Variants in POLR2B observed in about 807,000 individuals in gnomAD.
POLR2B encodes RNA polymerase II subunit B.
In POLR2B, 57 loss-of-function variants were observed where a neutral mutation model predicts 144.6. That is an observed-to-expected ratio of 0.39 (90% CI 0.32 to 0.49). The LOEUF (loss-of-function observed/expected upper bound fraction) is 0.49, where lower values mean the gene tolerates loss of function less well. Among genes scored for constraint, POLR2B ranks in the 20% least tolerant of loss-of-function variants. POLR2B has a pLI of 0.83. For synonymous variants in POLR2B, 442 were observed against 469.8 expected (o/e 0.94, Z 0.77); for missense variants, 595 against 1,467.4 (o/e 0.41, Z 9.71).
chr4:56,999,642 A>T lies in POLR2B; in HGVS notation c.761A>T (p.Gln254Leu). The change falls in exon 7 of 25, where the codon CAG becomes CTG. Residue 254 changes from glutamine (Q) to leucine (L), a missense_variant. By Grantham distance (113) the Gln-to-Leu change is moderately radical. Around this residue, in one of 9 missense-constraint regions of POLR2B, gnomAD observed 251 missense variants for 567.3 expected, o/e 0.44. Coordinates refer to ENST00000314595, the MANE Select transcript of POLR2B (RefSeq NM_000938.3). ...GQGAKKSAIG[Q>L]RIVATLPYIK... ...GGTGCCAAGAAGAGTGCTATTGGTC[A>T]GCGCATTGTGGCAACTCTACCATAT... 1 of 1,611,144 alleles carries T rather than the reference A, an allele frequency of 6.2e-7. No individual in the cohort carries two copies. Among genetic ancestry groups the T allele is most frequent in the Non-Finnish European group, 8.5e-7 (1 of 1,178,074 alleles).
In POLR2B at chr4:57,030,097, G is replaced by A. The variant is rs1723865455; in HGVS notation, c.3240-107G>A. ...AGAATGCTAGGGTATAAAAATTAGAGCCTAGTTATCCGTCTTTGCAAATAT... is the reference window on the plus strand; with the variant it reads ...AGAATGCTAGGGTATAAAAATTAGAACCTAGTTATCCGTCTTTGCAAATAT... On this transcript the variant is annotated intron_variant, in intron 23 of 24. Transcript: ENST00000314595. The A allele has an allele frequency of 1.2e-5, 10 of 866,322 alleles. No homozygotes were observed. The South Asian group carries it at 1.2e-4, about 11-fold the overall frequency. 53.7% of individuals were successfully genotyped at this position (866,322 alleles called of 1,614,324 possible).
chr4:56,983,296 TTTC>T (rs2109640233), intron 1 of POLR2B, among the ~76,000 whole-genome samples: 1 of 152,114 alleles, frequency 6.6e-6, no homozygotes, highest in African/African-American at 2.4e-5. Context: ...GGTAGGATTC[TTTC>T]TTGACTCCTA....
chr4:57,005,548 T>C, intron 8 of POLR2B, 52 bp from the exon 9 acceptor site: 1 of 1,541,856 alleles, frequency 6.5e-7, no homozygotes, highest in African/African-American at 1.4e-5. Context: ...CAAAAAAAAG[T>C]CCAAAACTAA....
At chr4:57,004,545 T>A (rs923228811) in intron 7 of POLR2B, among the ~76,000 whole-genome samples, 2 of 152,184 alleles carry the variant, frequency 1.3e-5, no homozygotes, top group African/African-American at 4.8e-5. Flanking sequence ...AAACATTTTT[T>A]AATACCAAAA....
intron 1 of POLR2B, among the ~76,000 whole-genome samples, chr4:56,979,783 C>T (rs1415004073): frequency 1.3e-5 from 2 of 151,934 alleles, no homozygotes; most frequent in Non-Finnish European, 2.9e-5. Flanking sequence ...CCTGTAATCC[C>T]AGCTACTCGG....
intron 1 of POLR2B, chr4:56,985,573 G>T (rs1722298105): frequency 3.3e-6 from 2 of 612,804 alleles, no homozygotes; most frequent in Non-Finnish European, 4.1e-6. Flanking sequence ...GCTAATTTTT[G>T]TCTTTTTTAG....
chr4:57,003,313 C>T (rs1722911252), intron 7 of POLR2B, among the ~76,000 whole-genome samples: 1 of 152,092 alleles, frequency 6.6e-6, no homozygotes, highest in Non-Finnish European at 1.5e-5. Flanking sequence ...GCCTGTTGTC[C>T]CAGCTACTCA....
At chr4:56,999,818 A>G in intron 7 of POLR2B, 37 bp downstream of exon 7, 1 of 1,454,866 alleles carries the variant, frequency 6.9e-7, no homozygotes, top group Non-Finnish European at 9.6e-7. Context: ...AGAGCTTTAT[A>G]AGAGATTTAG....
Position 57,025,539 on chromosome 4 carries a change from T to C in POLR2B, c.3239+2T>C. On this transcript the variant is annotated splice_donor_variant, in intron 23 of 24. Coordinates refer to ENST00000314595, the MANE Select transcript of POLR2B (RefSeq NM_000938.3). LOFTEE classifies it high-confidence loss of function. ...ACAGCCCATGGAGGGTAGATCTCGG[T>C]AAGAACTGTATCATCATCATTATTA... 6.4e-7 allele frequency: 1 copy of C among 1,565,858 alleles called. No homozygotes were observed. The highest frequency in any genetic ancestry group is 8.8e-7 in the Non-Finnish European group (1 of 1,139,092).
chr4:57,013,584 C>T (rs1723269639), intron 13 of POLR2B, among the ~76,000 whole-genome samples: 1 of 150,718 alleles, frequency 6.6e-6, no homozygotes. Context: ...GTCACCCAGG[C>T]TGGAATGCAG....
In POLR2B at chr4:57,025,425, A is replaced by G. The variant is rs1723684187; in HGVS notation, c.3127A>G (p.Ile1043Val). The G allele has an allele frequency of 6.2e-7, 1 of 1,612,952 alleles. No homozygotes were observed. The highest frequency in any genetic ancestry group is 1.3e-5 in the African/African-American group (1 of 74,880). The change falls in exon 23 of 25, where the codon ATT becomes GTT. Residue 1043 changes from isoleucine (I) to valine (V), a missense_variant. By Grantham distance (29) the Ile-to-Val change is conservative (BLOSUM62 3). Around this residue, in one of 9 missense-constraint regions of POLR2B, gnomAD observed 65 missense variants for 282.8 expected, o/e 0.23. Coordinates refer to ENST00000314595, the MANE Select transcript of POLR2B (RefSeq NM_000938.3). ...TGRKITSQIF[I>V]GPTYYQRLKH... The stretch of plus-strand genomic sequence containing the variant: ...TCGAAAAATCACATCACAAATATTT[A>G]TTGGCCCCACTTATTACCAGCGTTT...
In POLR2B at chr4:57,006,868, G is replaced by T; in HGVS notation, c.1270G>T (p.Asp424Tyr). ...EVRIYAQKFI[D>Y]RGKDFNLELA... Reference sequence around the variant, plus strand: ...GCGGATCTATGCACAGAAATTTATTGATCGAGGAAAGGATTTTAACTTGGA... The same window carrying T: ...GCGGATCTATGCACAGAAATTTATTTATCGAGGAAAGGATTTTAACTTGGA... Residue 424 changes from aspartate to tyrosine, a missense_variant, in exon 10 of 25, where the codon GAT (aspartate) becomes TAT (tyrosine). Asp to Tyr is a radical substitution (Grantham distance 160). Transcript: ENST00000314595. The T allele has an allele frequency of 6.2e-7, 1 of 1,613,608 alleles. No individual in the cohort carries two copies. The highest frequency in any genetic ancestry group is 1.1e-5 in the South Asian group (1 of 91,032).
chr4:56,986,262 TA>T, intron 1 of POLR2B, 91 bp from the exon 2 acceptor site: 1 of 804,542 alleles, frequency 1.2e-6, no homozygotes, highest in Non-Finnish European at 2.3e-6. Flanking sequence ...CAGCAGAAAG[TA>T]AATATGTTTC....
In POLR2B at chr4:57,002,345, G is replaced by A. The variant is rs189521405; in HGVS notation, c.900+2564G>A. Among the ~76,000 whole-genome samples, 1,078 of 152,132 alleles carry A rather than the reference G, an allele frequency of 7.1e-3. 7 individuals are homozygous for A. Among genetic ancestry groups the A allele is most frequent in the Non-Finnish European group, 0.01 (695 of 67,984 alleles). On this transcript the variant is annotated intron_variant, in intron 7 of 24. Transcript: ENST00000314595. ...TGTCCAGGCCCGACCTGGAGTTTTC[G>A]TAGTAAAGTGAAAAATATGATATGC...
chr4:57,014,223 C>T (rs1431271250), intron 13 of POLR2B, among the ~76,000 whole-genome samples: 1 of 152,102 alleles, frequency 6.6e-6, no homozygotes, highest in Non-Finnish European at 1.5e-5. Context: ...GAGACAGGGT[C>T]TTACTCTATT....
chr4:57,025,940 T>A (rs1253709746), intron 23 of POLR2B, among the ~76,000 whole-genome samples: 2 of 129,072 alleles, frequency 1.5e-5, no homozygotes, highest in East Asian at 2.2e-4. Flanking sequence ...AAAAAAAAAA[T>A]TTTTTTTTTG....
intron 1 of POLR2B, among the ~76,000 whole-genome samples, chr4:56,983,895 C>T (rs1219619292): frequency 1.0e-4 from 15 of 150,316 alleles, no homozygotes; most frequent in Non-Finnish European, 1.5e-4. Context: ...TAGACAGGGT[C>T]GCACTCTCAC....
chr4:56,990,146 C>T (rs996172940), intron 2 of POLR2B, among the ~76,000 whole-genome samples: 1 of 152,142 alleles, frequency 6.6e-6, no homozygotes, highest in Non-Finnish European at 1.5e-5. Flanking sequence ...TTATCTTTGA[C>T]TTTTCTTTAG....
chr4:57,023,289 T>A lies in POLR2B; in HGVS notation c.2516-41T>A, dbSNP rs913090981. Reference sequence around the variant, plus strand: ...ATTCATGTATGTGGTTTTTAATCTTTGTTGGGGATTATGTGACATTCCGTG... The same window carrying A: ...ATTCATGTATGTGGTTTTTAATCTTAGTTGGGGATTATGTGACATTCCGTG... On this transcript the variant is annotated intron_variant, in intron 18 of 24. Transcript: ENST00000314595. This position sits in a 1 kb window ranked among gnomAD's most constrained non-coding sequence, Gnocchi z 4.3. 7 of 1,606,726 alleles carry A rather than the reference T, an allele frequency of 4.4e-6. No individual in the cohort carries two copies. Among genetic ancestry groups the A allele is most frequent in the Non-Finnish European group, 6.0e-6 (7 of 1,175,280 alleles).
Sources: allele counts gnomAD v4.1 joint callset (sites outside exome capture counted in the v4.1 genomes callset), GRCh38; gene constraint gnomAD v4.1.1; regional missense constraint gnomAD v4.1.1; non-coding constraint Gnocchi (gnomAD v3.1); transcripts MANE v1.5; gene names NCBI Gene and HGNC (gene_info 2026-07-23, HGNC 2026-07-21).